The following GALNT7 variants were observed in gnomAD, a reference collection of about 807,000 sequenced individuals.
GALNT7 encodes N-acetylgalactosaminyltransferase 7.
Under a neutral mutation model 82.1 loss-of-function variants are expected in GALNT7, and 60 were observed. The ratio of observed to expected loss-of-function variants is 0.73; its 90% CI spans 0.59 to 0.91. GALNT7 has a LOEUF of 0.91. Ranked by LOEUF, GALNT7 falls within the 40% of genes least tolerant of loss-of-function variation. The pLI, the probability that GALNT7 is intolerant of heterozygous loss-of-function variation, is 0.00. For missense variants in GALNT7, 660 were observed against 804.2 expected (o/e 0.82, Z 2.17); for synonymous variants, 243 against 275.1 (o/e 0.88, Z 1.15).
At chr4:173,255,702 C>T (rs776181951) in intron 2 of GALNT7, among the ~76,000 whole-genome samples, 1 of 152,270 alleles carries the variant, frequency 6.6e-6, no homozygotes, top group Non-Finnish European at 1.5e-5. Context: ...TAGAGCATCT[C>T]AGTGTTTGAG....
chr4:173,321,733 C>A lies in GALNT7; in HGVS notation c.*16C>A. On this transcript the variant is annotated 3_prime_UTR_variant, in exon 12 of 12. Coordinates refer to ENST00000265000, the MANE Select transcript of GALNT7 (RefSeq NM_017423.3). ...TAGTGTTTAGAGAGAAAAAAATAAA[C>A]CAATAACCTACCTACTGACAAGTAA... is the stretch of plus-strand genomic sequence containing the variant. 1.3e-6 allele frequency: 2 copies of A among 1,576,944 alleles called. No homozygotes were observed. Among genetic ancestry groups the A allele is most frequent in the Non-Finnish European group, 1.7e-6 (2 of 1,147,964 alleles).
intron 1 of GALNT7, among the ~76,000 whole-genome samples, chr4:173,229,654 G>A (rs1213840030): frequency 6.6e-6 from 1 of 152,130 alleles, no homozygotes; most frequent in Non-Finnish European, 1.5e-5. Context: ...GTAAAATGGG[G>A]TAATAGTGGT....
At chr4:173,309,316 T>A (rs1484647225) in intron 8 of GALNT7, among the ~76,000 whole-genome samples, 1 of 152,166 alleles carries the variant, frequency 6.6e-6, no homozygotes, top group Admixed American at 6.5e-5. Context: ...ATGAGATATG[T>A]CATAGTCGCC....
intron 5 of GALNT7, 124 bp from the exon 6 acceptor site, chr4:173,297,991 C>T: frequency 6.6e-7 from 1 of 1,504,958 alleles, no homozygotes; most frequent in South Asian, 1.3e-5. Flanking sequence ...AAGACTATTA[C>T]TTTATTTTCT....
At chr4:173,170,899 T>C (rs1230423689) in intron 1 of GALNT7, among the ~76,000 whole-genome samples, 1 of 152,212 alleles carries the variant, frequency 6.6e-6, no homozygotes, top group Non-Finnish European at 1.5e-5. Context: ...AAACAAAGGA[T>C]GGGCCATAAT....
At chr4:173,210,797 T>A (rs953353030) in intron 1 of GALNT7, among the ~76,000 whole-genome samples, 3 of 152,176 alleles carry the variant, frequency 2.0e-5, no homozygotes, top group African/African-American at 7.2e-5. Context: ...AACAAAAAAA[T>A]TAAAATGTTA....
At chr4:173,179,145 A>G (rs1315852446) in intron 1 of GALNT7, among the ~76,000 whole-genome samples, 3 of 152,244 alleles carry the variant, frequency 2.0e-5, no homozygotes, top group African/African-American at 4.8e-5. Context: ...TATGCTTCCT[A>G]TGAAAACTGT....
chr4:173,177,818 C>T (rs1457705557), intron 1 of GALNT7, among the ~76,000 whole-genome samples: 1 of 151,722 alleles, frequency 6.6e-6, no homozygotes, highest in African/African-American at 2.4e-5. Context: ...ATATTGTGGC[C>T]CAGAAAAACT....
At chr4:173,299,443 G>A (rs1313142808) in intron 6 of GALNT7, among the ~76,000 whole-genome samples, 8 of 152,110 alleles carry the variant, frequency 5.3e-5, no homozygotes, top group African/African-American at 1.9e-4. Context: ...AATTTTTAAA[G>A]TGACCTAGAA....
At chr4:173,257,154 A>G (rs1735069443) in intron 2 of GALNT7, among the ~76,000 whole-genome samples, 1 of 152,218 alleles carries the variant, frequency 6.6e-6, no homozygotes, top group African/African-American at 2.4e-5. Context: ...AGAGGCAGTT[A>G]GGGGAGGCTT....
Position 173,292,152 on chromosome 4 carries a change from T to C in GALNT7, c.632T>C (p.Val211Ala). The change falls in exon 3 of 12, where the codon GTT becomes GCT. Residue 211 changes from valine (V) to alanine (A), a missense_variant. Physicochemically the swap from Val to Ala is moderately conservative, Grantham distance 64. Transcript: ENST00000265000. The surrounding 1 kb of genome is among the most constrained non-coding windows in gnomAD (Gnocchi z 4.8). ...HYDENLLTSS[V>A]VIVFHNEGWS... Reference sequence around the variant, plus strand: ...GATGAAAACTTGCTCACTTCGAGCGTTGTCATTGTCTTCCATAATGAAGGA... The same window carrying C: ...GATGAAAACTTGCTCACTTCGAGCGCTGTCATTGTCTTCCATAATGAAGGA... The C allele has an allele frequency of 6.2e-7, 1 of 1,610,102 alleles. No homozygotes were observed. The highest frequency in any genetic ancestry group is 1.1e-5 in the South Asian group (1 of 90,292).
chr4:173,278,919 T>C (rs111837001), intron 2 of GALNT7, among the ~76,000 whole-genome samples: 2 of 152,318 alleles, frequency 1.3e-5, no homozygotes, highest in African/African-American at 4.8e-5. Context: ...TATTTTGCTA[T>C]GTGTAATGCA....
intron 2 of GALNT7, among the ~76,000 whole-genome samples, chr4:173,249,178 T>C (rs1345372652): frequency 6.6e-6 from 1 of 152,224 alleles, no homozygotes; most frequent in Non-Finnish European, 1.5e-5. Flanking sequence ...CTTTCATTAA[T>C]GTAGTTGGAA....
chr4:173,242,339 C>A (rs137968456), intron 1 of GALNT7, among the ~76,000 whole-genome samples: 13 of 152,302 alleles, frequency 8.5e-5, no homozygotes, highest in Non-Finnish European at 1.8e-4. Context: ...TCCATAGTTA[C>A]CTGAAAGCAT....
At chr4:173,298,728 A>T (rs576363097) in intron 6 of GALNT7, among the ~76,000 whole-genome samples, 1 of 152,358 alleles carries the variant, frequency 6.6e-6, no homozygotes, top group Non-Finnish European at 1.5e-5. Flanking sequence ...TATAATGTTA[A>T]CAATGAAGGG....
intron 1 of GALNT7, among the ~76,000 whole-genome samples, chr4:173,204,660 T>A (rs1228133674): frequency 6.6e-6 from 1 of 152,242 alleles, no homozygotes; most frequent in Non-Finnish European, 1.5e-5. Flanking sequence ...TTGTTTGAAT[T>A]TTAAAAGATA....
At chr4:173,298,426 T>C in intron 6 of GALNT7, 129 bp downstream of exon 6, 1 of 651,036 alleles carries the variant, frequency 1.5e-6, no homozygotes, top group East Asian at 2.8e-5. Flanking sequence ...ACATCTTTCC[T>C]TACACTGTTT....
In GALNT7 at chr4:173,264,732, C is replaced by T. The variant is rs147640671; in HGVS notation, c.587+16292C>T. Among the ~76,000 whole-genome samples the T allele has an allele frequency of 1.3e-3, 191 of 152,258 alleles. 1 individual carries two copies. The highest frequency in any genetic ancestry group is 0.01 in the Middle Eastern group (3 of 294). Reference sequence around the variant, plus strand: ...AAGTTTTTCTGTGTTTCTACATTCTCCCCTGGGTGTTCCACAATTGTTTCT... The same window carrying T: ...AAGTTTTTCTGTGTTTCTACATTCTTCCCTGGGTGTTCCACAATTGTTTCT... On this transcript the variant is annotated intron_variant, in intron 2 of 11. Transcript: ENST00000265000.
chr4:173,168,886 C>T lies in GALNT7; in HGVS notation c.51C>T (p.Ser17=), dbSNP rs1165292513. ...TACGCAGTTTGCTGGTGGTGGGAAG[C>T]TTCCTGGGGCTAGTGGTCCTCTGGT... is the stretch of plus-strand genomic sequence containing the variant. ...FILRSLLVVG[S]FLGLVVLWSS... The change falls in exon 1 of 12, where the codon AGC becomes AGT. Residue 17 remains serine, a synonymous_variant. Transcript: ENST00000265000. 6.2e-7 allele frequency: 1 copy of T among 1,613,640 alleles called. No individual in the cohort carries two copies. The highest frequency in any genetic ancestry group is 1.1e-5 in the South Asian group (1 of 91,072).
Sources: gnomAD v4.1 joint callset for allele counts (sites outside exome capture counted in the v4.1 genomes callset) on GRCh38, gnomAD v4.1.1 for gene constraint, Gnocchi (gnomAD v3.1) non-coding constraint, MANE v1.5 for transcripts, NCBI Gene and HGNC (gene_info 2026-07-23, HGNC 2026-07-21) for gene names.